Variants in DCAF8L2 observed in about 807,000 individuals in gnomAD.
The protein encoded by DCAF8L2 is DDB1- and CUL4-associated factor 8-like protein 2.
For missense variants in DCAF8L2, 430 were observed against 490.7 expected (o/e 0.88, Z 1.17); for synonymous variants, 200 against 190.9 (o/e 1.05, Z -0.39).
At chrX:27,490,834 A>G in the DCAF8L2 span, among the ~76,000 whole-genome samples, 1 of 111,160 alleles carries the variant, frequency 9.0e-6, no homozygotes, top group Non-Finnish European at 1.9e-5. Context: ...TCATCCCTCA[A>G]GCAACTTCCA....
the DCAF8L2 span, among the ~76,000 whole-genome samples, chrX:27,488,909 C>A: frequency 9.1e-6 from 1 of 110,345 alleles, no homozygotes; most frequent in Non-Finnish European, 1.9e-5. Context: ...CCACCTTGGC[C>A]TCCCAAAGTG....
intron 2 of DCAF8L2, among the ~76,000 whole-genome samples, chrX:27,634,822 A>C (rs939491985): frequency 3.6e-5 from 4 of 110,962 alleles, no homozygotes; most frequent in Non-Finnish European, 3.8e-5. Context: ...ATTAAACATA[A>C]ATGAATTTTA....
chrX:27,630,852 C>T (rs1057470062), intron 1 of DCAF8L2, among the ~76,000 whole-genome samples: 11 of 112,197 alleles, frequency 9.8e-5, no homozygotes, highest in South Asian at 3.7e-4. Context: ...TAGAGATGGC[C>T]GTCTTATTGC....
chrX:27,675,864 G>T (rs1034058139), intron 2 of DCAF8L2, among the ~76,000 whole-genome samples: 1 of 112,125 alleles, frequency 8.9e-6, no homozygotes, highest in African/African-American at 3.2e-5. Flanking sequence ...TAAACCACTA[G>T]AAACAAAGTG....
At chrX:27,739,775 A>AC (rs1473339116) in intron 4 of DCAF8L2, among the ~76,000 whole-genome samples, 2 of 111,527 alleles carry the variant, frequency 1.8e-5, no homozygotes, top group Non-Finnish European at 3.8e-5. Flanking sequence ...ACCACCATTA[A>AC]CCCATTATTC....
At chrX:27,628,166 T>C (rs1928123206) in intron 1 of DCAF8L2, among the ~76,000 whole-genome samples, 1 of 111,727 alleles carries the variant, frequency 9.0e-6, no homozygotes, top group Non-Finnish European at 1.9e-5. Context: ...AGATACCTCA[T>C]ATAAGTGAAA....
intron 4 of DCAF8L2, among the ~76,000 whole-genome samples, chrX:27,732,386 G>A (rs2147320691): frequency 9.1e-6 from 1 of 109,971 alleles, no homozygotes; most frequent in East Asian, 2.9e-4. Context: ...TCTTCTTTCT[G>A]TCCTTGGCTT....
At chrX:27,678,650 T>C (rs767223370) in intron 3 of DCAF8L2, among the ~76,000 whole-genome samples, 11 of 111,475 alleles carry the variant, frequency 9.9e-5, no homozygotes, top group Non-Finnish European at 1.7e-4. Flanking sequence ...GGCAAATTTG[T>C]AGAGGCAGAA....
the DCAF8L2 span, chrX:27,519,335 G>A: frequency 8.8e-7 from 1 of 1,133,616 alleles, no homozygotes; most frequent in African/African-American, 1.8e-5. Context: ...AAGGAGCGTC[G>A]AGCTGCTGAA....
intron 2 of DCAF8L2, among the ~76,000 whole-genome samples, chrX:27,673,624 A>G (rs1162731179): frequency 2.8e-5 from 3 of 108,817 alleles, no homozygotes; most frequent in Admixed American, 1.0e-4. Context: ...GCTACCTTAT[A>G]TATACATATA....
intron 4 of DCAF8L2, among the ~76,000 whole-genome samples, chrX:27,724,268 T>C (rs1472228480): frequency 9.0e-6 from 1 of 111,187 alleles, no homozygotes; most frequent in Non-Finnish European, 1.9e-5. Context: ...AAATTTATGT[T>C]TCTACTTGGT....
chrX:27,558,826 C>G, the DCAF8L2 span, among the ~76,000 whole-genome samples: 348 of 102,554 alleles, frequency 3.4e-3, 1 homozygote, highest in African/African-American at 0.011. Context: ...GTCTGAGCTG[C>G]TGCTTCAGCT....
intron 2 of DCAF8L2, among the ~76,000 whole-genome samples, chrX:27,653,597 T>C (rs757726626): frequency 1.2e-4 from 13 of 110,778 alleles, no homozygotes; most frequent in Admixed American, 2.9e-4. Flanking sequence ...GGTCCTCTTT[T>C]AATAAACTAT....
chrX:27,486,869 A>G, the DCAF8L2 span, among the ~76,000 whole-genome samples: 2 of 111,756 alleles, frequency 1.8e-5, no homozygotes, highest in Non-Finnish European at 3.8e-5. Flanking sequence ...ATAACTGTAG[A>G]ATTATACTAA....
chrX:27,544,906 A>C, the DCAF8L2 span, among the ~76,000 whole-genome samples: 35 of 112,174 alleles, frequency 3.1e-4, no homozygotes, highest in African/African-American at 1.1e-3. Flanking sequence ...ACGAGTAATT[A>C]GACATATTCG....
At chrX:27,714,008 T>C (rs956715504) in intron 3 of DCAF8L2, among the ~76,000 whole-genome samples, 1 of 111,785 alleles carries the variant, frequency 8.9e-6, no homozygotes, top group Non-Finnish European at 1.9e-5. Flanking sequence ...GACCCTTATA[T>C]AGGTAGAATG....
the DCAF8L2 span, among the ~76,000 whole-genome samples, chrX:27,498,391 G>A: frequency 8.9e-6 from 1 of 112,330 alleles, no homozygotes; most frequent in Non-Finnish European, 1.9e-5. Context: ...GGTATGAGGT[G>A]ATATCTCATT....
chrX:27,709,274 G>T (rs1292792966), intron 3 of DCAF8L2, among the ~76,000 whole-genome samples: 1 of 112,605 alleles, frequency 8.9e-6, no homozygotes, highest in Non-Finnish European at 1.9e-5. Context: ...TTCTGGGCTA[G>T]TTCTCTTCAC....
the DCAF8L2 span, among the ~76,000 whole-genome samples, chrX:27,534,139 A>C: frequency 9.3e-6 from 1 of 107,815 alleles, no homozygotes; most frequent in African/African-American, 3.4e-5. Context: ...TGAGCCCTGG[A>C]GGTGGAGGTT....
Sources: allele counts gnomAD v4.1 joint callset (sites outside exome capture counted in the v4.1 genomes callset), GRCh38; gene constraint gnomAD v4.1.1; transcripts MANE v1.5; gene names NCBI Gene and HGNC (gene_info 2026-07-23, HGNC 2026-07-21).